The following HYAL4 variants were observed in gnomAD, a reference collection of about 807,000 sequenced individuals.
The protein encoded by HYAL4 is hyaluronidase-4.
A neutral mutation model predicts 35.2 loss-of-function variants in HYAL4; 37 were observed. That is an observed-to-expected ratio of 1.05 (90% confidence interval 0.81 to 1.38). The LOEUF (loss-of-function observed/expected upper bound fraction) is 1.38. HYAL4 is among the 40% of genes most tolerant of loss of function. The pLI is 0.00. For missense variants in HYAL4, 572 were observed against 572.4 expected (o/e 1.00, Z 0.01); for synonymous variants, 198 against 203.2 (o/e 0.97, Z 0.22).
the HYAL4 span, among the ~76,000 whole-genome samples, chr7:123,766,446 C>T: frequency 6.6e-6 from 1 of 151,968 alleles, no homozygotes; most frequent in Non-Finnish European, 1.5e-5. Context: ...TTGAAACCCC[C>T]GGGTAACCTA....
At chr7:123,821,712 A>G in the HYAL4 span, among the ~76,000 whole-genome samples, 2 of 152,170 alleles carry the variant, frequency 1.3e-5, no homozygotes, top group African/African-American at 2.4e-5. Flanking sequence ...CTAAGGAATA[A>G]TTTCCAAGAC....
chr7:123,852,287 G>T (rs760476645), intron 2 of HYAL4, among the ~76,000 whole-genome samples: 1 of 152,094 alleles, frequency 6.6e-6, no homozygotes, highest in African/African-American at 2.4e-5. Context: ...CATTGCTTTT[G>T]GTGTTTCAGC....
At chr7:123,816,505 A>C in the HYAL4 span, among the ~76,000 whole-genome samples, 381 of 152,352 alleles carry the variant, frequency 2.5e-3, 1 homozygote, top group Middle Eastern at 0.014. Context: ...ATAATAATTC[A>C]TGCAGTCAAA....
chr7:123,799,777 A>G, the HYAL4 span, among the ~76,000 whole-genome samples: 1 of 152,148 alleles, frequency 6.6e-6, no homozygotes, highest in African/African-American at 2.4e-5. Context: ...GAATGACTGC[A>G]CTTTAAACAA....
Position 123,869,118 on chromosome 7 carries a change from T to C in HYAL4, c.845T>C (p.Val282Ala). The C allele has an allele frequency of 1.2e-6, 2 of 1,614,138 alleles. No homozygotes were observed. Among genetic ancestry groups the C allele is most frequent in the Non-Finnish European group, 1.7e-6 (2 of 1,180,012 alleles). ...ATTTTGCGCTTCTCCAAATTTCGGGTGCATGAATCCATGAGGATCTCCACC... is the reference window on the plus strand; with the variant it reads ...ATTTTGCGCTTCTCCAAATTTCGGGCGCATGAATCCATGAGGATCTCCACC... ...ENILRFSKFR[V>A]HESMRISTMT... is the part of the protein sequence containing the mutation. Residue 282 changes from valine (V) to alanine (A), a missense_variant, in exon 3 of 5, where the codon GTG (valine) becomes GCG (alanine). By Grantham distance (64) the Val-to-Ala change is moderately conservative (BLOSUM62 0). Transcript: ENST00000223026.
At chr7:123,770,414 C>T in the HYAL4 span, among the ~76,000 whole-genome samples, 1 of 147,986 alleles carries the variant, frequency 6.8e-6, no homozygotes, top group Non-Finnish European at 1.5e-5. Flanking sequence ...TGCACTCAAG[C>T]CTGGGCGGCA....
chr7:123,870,422 TA>T (rs1439222811), intron 3 of HYAL4, among the ~76,000 whole-genome samples: 1 of 151,896 alleles, frequency 6.6e-6, no homozygotes, highest in Non-Finnish European at 1.5e-5. Context: ...CAGTGAAAAA[TA>T]ATTGAATGAA....
chr7:123,874,767 C>G lies in HYAL4; in HGVS notation c.961C>G (p.Leu321Val). The G allele has an allele frequency of 1.3e-6, 2 of 1,593,024 alleles. No individual in the cohort carries two copies. Among genetic ancestry groups the G allele is most frequent in the Non-Finnish European group, 1.7e-6 (2 of 1,160,748 alleles). The change falls in exon 4 of 5, where the codon CTA becomes GTA. Residue 321 changes from leucine to valine, a missense_variant. Transcript: ENST00000223026. Reference protein sequence around the residue: ...EPLFFLSKQDLVSTIGESAAL... With the variant: ...EPLFFLSKQDVVSTIGESAAL... Reference sequence around the variant, plus strand: ...TCTACTGTCTTCAATCTAGCAAGATCTAGTCAGCACCATAGGAGAAAGTGC... The same window carrying G: ...TCTACTGTCTTCAATCTAGCAAGATGTAGTCAGCACCATAGGAGAAAGTGC...
chr7:123,822,900 A>G, the HYAL4 span, among the ~76,000 whole-genome samples: 1 of 152,198 alleles, frequency 6.6e-6, no homozygotes, highest in African/African-American at 2.4e-5. Flanking sequence ...AGGAGTTCAA[A>G]GCTGTAGTGA....
rs770541919 is a variant in HYAL4 at position 123,845,202 on chromosome 7, CTTTTTTTTTTTTT to C, written c.-593_-581del. 6 of 76,870 alleles carry C rather than the reference CTTTTTTTTTTTTT, an allele frequency of 7.8e-5. No homozygotes were observed. The South Asian group carries it at 2.1e-3, about 27-fold the overall frequency. 4.8% of individuals were successfully genotyped at this position (76,870 alleles called of 1,614,324 possible). ...TTATTTATGCTATCTATTTCTTTTC[CTTTTTTTTTTTTT>C]TTTTTTTTTTTGAGATGAAGTCTTA... On this transcript the variant is annotated 5_prime_UTR_variant, in exon 1 of 5. An upstream open reading frame in the 5' UTR gains an earlier in-frame stop. Transcript: ENST00000223026.
the HYAL4 span, among the ~76,000 whole-genome samples, chr7:123,768,830 G>C: frequency 6.4e-4 from 97 of 152,294 alleles, no homozygotes; most frequent in African/African-American, 2.2e-3. Context: ...TGAGGAGATT[G>C]TCCATTGGTT....
chr7:123,805,866 G>T, the HYAL4 span, among the ~76,000 whole-genome samples: 1 of 152,042 alleles, frequency 6.6e-6, no homozygotes, highest in Non-Finnish European at 1.5e-5. Context: ...GTAGTGGCAG[G>T]CACCTGTAAT....
At chr7:123,801,421 G>A in the HYAL4 span, among the ~76,000 whole-genome samples, 1 of 151,952 alleles carries the variant, frequency 6.6e-6, no homozygotes, top group East Asian at 1.9e-4. Flanking sequence ...CTATTTTAAG[G>A]TACTCATTAG....
chr7:123,773,820 C>T, the HYAL4 span, among the ~76,000 whole-genome samples: 1 of 152,118 alleles, frequency 6.6e-6, no homozygotes, highest in Non-Finnish European at 1.5e-5. Flanking sequence ...AGGCAATGCT[C>T]ATTCTTTGTT....
the HYAL4 span, among the ~76,000 whole-genome samples, chr7:123,764,588 G>T: frequency 6.6e-4 from 101 of 152,324 alleles, no homozygotes; most frequent in African/African-American, 2.4e-3. Context: ...AGGGAGAAGG[G>T]AGGAAAGAAA....
At chr7:123,800,120 G>C in the HYAL4 span, among the ~76,000 whole-genome samples, 24 of 150,794 alleles carry the variant, frequency 1.6e-4, 1 homozygote, top group South Asian at 2.2e-4. Flanking sequence ...CCGAGATCGC[G>C]CCACTGTACT....
the HYAL4 span, among the ~76,000 whole-genome samples, chr7:123,788,870 A>G: frequency 6.6e-6 from 1 of 152,202 alleles, no homozygotes; most frequent in Non-Finnish European, 1.5e-5. Context: ...ATGTAATTGT[A>G]AGCCAATTTT....
rs762473753 is a variant in HYAL4, at chr7:123,868,522, G to T, written c.249G>T (p.Arg83Ser). 2 of 1,609,022 alleles carry T rather than the reference G, an allele frequency of 1.2e-6. No homozygotes were observed. Among genetic ancestry groups the T allele is most frequent in the Non-Finnish European group, 1.7e-6 (2 of 1,178,784 alleles). ...TTGGAAGCCCACTGGCCAAGGCCAG[G>T]GGGCAAAATGTCACTATATTTTATG... ...PVIGSPLAKA[R>S]GQNVTIFYVN... The change falls in exon 3 of 5, where the codon AGG (arginine) becomes AGT (serine). Residue 83 changes from arginine to serine, a missense_variant. Coordinates refer to ENST00000223026, the MANE Select transcript of HYAL4 (RefSeq NM_012269.3).
At chr7:123,854,280 G>C (rs1488454559) in intron 2 of HYAL4, among the ~76,000 whole-genome samples, 2 of 152,042 alleles carry the variant, frequency 1.3e-5, no homozygotes, top group East Asian at 3.9e-4. Flanking sequence ...GAATTTGTTT[G>C]TTCTTGTTTC....
Sources: allele counts gnomAD v4.1 joint callset (sites outside exome capture counted in the v4.1 genomes callset), GRCh38; gene constraint gnomAD v4.1.1; transcripts MANE v1.5; gene names NCBI Gene and HGNC (gene_info 2026-07-23, HGNC 2026-07-21).